Variants in TOX observed in about 807,000 individuals in gnomAD.
TOX encodes the protein thymocyte selection associated high mobility group box.
A neutral mutation model predicts 53.7 loss-of-function variants in TOX; 11 were observed. The observed-to-expected ratio is 0.20, with a 90% CI of 0.13 to 0.34. The LOEUF is 0.34. Among genes scored for constraint, TOX ranks in the 10% least tolerant of loss-of-function variants. The pLI, the probability that TOX is intolerant of heterozygous loss-of-function variation, is 1.00. For missense variants in TOX, 570 were observed against 664.6 expected, an observed-to-expected ratio of 0.86 and a Z score of 1.56; for synonymous variants, 225 against 245.3, an observed-to-expected ratio of 0.92 and a Z score of 0.77.
At chr8:59,075,586 A>G (rs1187822116) in intron 1 of TOX, among the ~76,000 whole-genome samples, 2 of 152,162 alleles carry the variant, frequency 1.3e-5, no homozygotes, top group South Asian at 2.1e-4. Flanking sequence ...TCTCTTGCCA[A>G]TCTGTCTTTT....
chr8:58,875,780 C>T (rs946770761), intron 3 of TOX, among the ~76,000 whole-genome samples: 2 of 152,170 alleles, frequency 1.3e-5, no homozygotes, highest in African/African-American at 4.8e-5. Flanking sequence ...CTGTTAGCCA[C>T]AACTGGCAAT....
chr8:59,011,780 GC>G (rs1208796229), intron 1 of TOX, among the ~76,000 whole-genome samples: 1 of 152,176 alleles, frequency 6.6e-6, no homozygotes, highest in Non-Finnish European at 1.5e-5. Flanking sequence ...GAGATTAGAT[GC>G]AGAAGTGCCT....
intron 2 of TOX, among the ~76,000 whole-genome samples, chr8:58,948,354 C>G (rs1261719506): frequency 1.3e-5 from 2 of 152,134 alleles, no homozygotes; most frequent in Non-Finnish European, 2.9e-5. Context: ...ATTAATGATA[C>G]CAGAATGGGG....
chr8:58,931,645 G>C (rs953253335), intron 3 of TOX, among the ~76,000 whole-genome samples: 1 of 152,154 alleles, frequency 6.6e-6, no homozygotes. Flanking sequence ...GGCTACCAAG[G>C]AAAGTTATGG....
intron 1 of TOX, among the ~76,000 whole-genome samples, chr8:59,015,490 A>T (rs1813990845): frequency 6.6e-6 from 1 of 152,242 alleles, no homozygotes; most frequent in Non-Finnish European, 1.5e-5. Context: ...CATTATTGCA[A>T]AATGATATTT....
intron 1 of TOX, among the ~76,000 whole-genome samples, chr8:58,992,628 GA>G (rs949342844): frequency 1.4e-4 from 21 of 151,312 alleles, no homozygotes; most frequent in South Asian, 8.3e-4. Context: ...CTCCTCTCAC[GA>G]AAAAAAATAC....
chr8:58,980,286 G>A (rs1225929320), intron 1 of TOX, among the ~76,000 whole-genome samples: 3 of 152,124 alleles, frequency 2.0e-5, no homozygotes, highest in Non-Finnish European at 4.4e-5. Context: ...TGTATGGACT[G>A]TTCTCTAACA....
intron 3 of TOX, among the ~76,000 whole-genome samples, chr8:58,896,540 T>C (rs1811650010): frequency 6.6e-6 from 1 of 152,126 alleles, no homozygotes; most frequent in South Asian, 2.1e-4. Flanking sequence ...CTGGGCATGG[T>C]GGCATGTGCC....
At chr8:58,898,733 G>A (rs1811688930) in intron 3 of TOX, among the ~76,000 whole-genome samples, 1 of 152,168 alleles carries the variant, frequency 6.6e-6, no homozygotes, top group South Asian at 2.1e-4. Flanking sequence ...CCTTTGCAAT[G>A]GAAACTGTAG....
At chr8:58,922,359 GTA>G (rs1283570773) in intron 3 of TOX, among the ~76,000 whole-genome samples, 1 of 152,192 alleles carries the variant, frequency 6.6e-6, no homozygotes, top group Non-Finnish European at 1.5e-5. Context: ...GTGTTTGCGT[GTA>G]TATATTGAAA....
chr8:59,090,366 C>T (rs1031335420), intron 1 of TOX, among the ~76,000 whole-genome samples: 1 of 152,142 alleles, frequency 6.6e-6, no homozygotes. Flanking sequence ...TGGTAGAACT[C>T]ATCATATGTT....
chr8:58,935,407 C>T (rs1360624361), intron 3 of TOX, among the ~76,000 whole-genome samples: 2 of 152,180 alleles, frequency 1.3e-5, no homozygotes, highest in African/African-American at 4.8e-5. Context: ...GCTTTGATCA[C>T]ATTCAAGAGC....
At chr8:59,080,349 T>C (rs1804384218) in intron 1 of TOX, among the ~76,000 whole-genome samples, 1 of 152,140 alleles carries the variant, frequency 6.6e-6, no homozygotes, top group Non-Finnish European at 1.5e-5. Flanking sequence ...TGTGCCCCAT[T>C]GTGTCTTGGA....
intron 3 of TOX, among the ~76,000 whole-genome samples, chr8:58,882,065 T>C (rs919288581): frequency 2.0e-5 from 3 of 152,202 alleles, no homozygotes; most frequent in African/African-American, 7.2e-5. Flanking sequence ...AATTGTGCAA[T>C]TGTGACTAAA....
At position 58,807,498 on chromosome 8, in the gene TOX, A is replaced by G. The variant is rs1173311590; in HGVS notation, c.*249T>C. The stretch of plus-strand genomic sequence containing the variant: ...GCGCAGCACTTCACAGCAAAAAACC[A>G]ACATAAAATCTGAATGGTCCAAATT... On this transcript the variant is annotated 3_prime_UTR_variant, in exon 9 of 9. Coordinates refer to ENST00000361421, the MANE Select transcript of TOX (RefSeq NM_014729.3). 8 of 439,184 alleles carry G rather than the reference A, an allele frequency of 1.8e-5. No individual in the cohort carries two copies. The highest frequency in any genetic ancestry group is 3.3e-5 in the Non-Finnish European group (8 of 244,268). 27.2% of individuals were successfully genotyped at this position (439,184 alleles called of 1,614,324 possible). A position where few individuals can be genotyped will look rare whatever the true frequency, so the allele number is the denominator to read the frequency against.
chr8:58,947,565 T>C (rs1392131532), intron 2 of TOX, among the ~76,000 whole-genome samples: 1 of 152,170 alleles, frequency 6.6e-6, no homozygotes, highest in Non-Finnish European at 1.5e-5. Context: ...TATGGCGATA[T>C]GGTTATTTGC....
intron 1 of TOX, among the ~76,000 whole-genome samples, chr8:59,045,155 C>A (rs1247659573): frequency 2.0e-5 from 3 of 151,978 alleles, no homozygotes; most frequent in African/African-American, 2.4e-5. Context: ...CAACTATTTA[C>A]CTGTTCTTTT....
intron 1 of TOX, among the ~76,000 whole-genome samples, chr8:58,968,237 T>A (rs1294786715): frequency 6.6e-6 from 1 of 152,134 alleles, no homozygotes; most frequent in East Asian, 1.9e-4. Flanking sequence ...TTAATGAAAA[T>A]AAGTTTAATA....
chr8:58,895,586 G>C (rs1811630824), intron 3 of TOX, among the ~76,000 whole-genome samples: 2 of 152,190 alleles, frequency 1.3e-5, no homozygotes, highest in Non-Finnish European at 2.9e-5. Context: ...GGTTCTTTGT[G>C]TGTTTACTTT....
Sources: allele counts gnomAD v4.1 joint callset (sites outside exome capture counted in the v4.1 genomes callset), GRCh38; gene constraint gnomAD v4.1.1; transcripts MANE v1.5; gene names NCBI Gene and HGNC (gene_info 2026-07-23, HGNC 2026-07-21).